FERMT1: variants seen among roughly 807,000 people sequenced by gnomAD.
The protein encoded by FERMT1 is fermitin family homolog 1.
Under a neutral mutation model 85.3 loss-of-function variants are expected in FERMT1, and 60 were observed. The ratio of observed to expected loss-of-function variants is 0.70; its 90% CI spans 0.57 to 0.87. The LOEUF is 0.87. FERMT1 is among the 40% of genes least tolerant of loss of function. The probability of loss-of-function intolerance (pLI) is 0.00; values close to 1 mark genes in which losing one functional copy is unlikely to be tolerated. For synonymous variants in FERMT1, 275 were observed against 301.1 expected (o/e 0.91, Z 0.90); for missense variants, 701 against 818.9 (o/e 0.86, Z 1.76).
chr20:6,110,473 A>C lies in FERMT1; in HGVS notation c.571T>G (p.Tyr191Asp), dbSNP rs1982916982. Residue 191 changes from tyrosine (Y) to aspartate (D), a missense_variant, in exon 5 of 15, where the codon TAT becomes GAT. Transcript: ENST00000217289. ...GCTGGTGTTCCATTGATGGGGTCAT[A>C]TATAGGGGTCATGGTTTTACTGTAT... Reference protein sequence around the residue: ...GLYSKTMTPIYDPINGTPASS... With the variant: ...GLYSKTMTPIDDPINGTPASS... 11 of 1,614,176 alleles carry C rather than the reference A, an allele frequency of 6.8e-6. No homozygotes were observed. The highest frequency in any genetic ancestry group is 9.3e-6 in the Non-Finnish European group (11 of 1,180,020).
chr20:6,083,327 T>G (rs1982052354), intron 13 of FERMT1, among the ~76,000 whole-genome samples: 1 of 152,140 alleles, frequency 6.6e-6, no homozygotes, highest in East Asian at 1.9e-4. Flanking sequence ...GACAAGTCAC[T>G]TAAGCTGTCT....
intron 3 of FERMT1, among the ~76,000 whole-genome samples, chr20:6,115,310 T>C (rs1684998588): frequency 6.6e-6 from 1 of 152,182 alleles, no homozygotes; most frequent in Non-Finnish European, 1.5e-5. Context: ...AATAATTAGG[T>C]TTAAATTCAC....
At chr20:6,089,661 AC>A (rs1164182013) in intron 9 of FERMT1, among the ~76,000 whole-genome samples, 1 of 152,232 alleles carries the variant, frequency 6.6e-6, no homozygotes, top group Non-Finnish European at 1.5e-5. Flanking sequence ...CTTAAGAGAA[AC>A]TATGGGAGAA....
At chr20:6,088,626 CTTTTTTTTTT>C (rs11475498) in intron 10 of FERMT1, among the ~76,000 whole-genome samples, 17 of 121,178 alleles carry the variant, frequency 1.4e-4, no homozygotes, top group Admixed American at 1.7e-4. Context: ...CTGCTCACCT[CTTTTTTTTTT>C]TTTTTTTTTG....
intron 6 of FERMT1, among the ~76,000 whole-genome samples, chr20:6,105,267 G>C (rs1982767860): frequency 6.6e-6 from 1 of 152,194 alleles, no homozygotes; most frequent in African/African-American, 2.4e-5. Context: ...CTCCTTTCTG[G>C]AAAGAGTGGA....
chr20:6,121,832 C>T (rs1983283819), intron 1 of FERMT1, among the ~76,000 whole-genome samples: 1 of 152,198 alleles, frequency 6.6e-6, no homozygotes, highest in Admixed American at 6.5e-5. Context: ...TGAAAGAAAA[C>T]TCCTCAAACT....
At position 6,075,287 on chromosome 20, in the gene FERMT1, T is replaced by C. The variant is rs907659820; in HGVS notation, c.*1886A>G. ...AGCAGCAAACAGGTAAAATCTGACA[T>C]CGAGAAGCATTATTTTAATGTAGGA... is the stretch of plus-strand genomic sequence containing the variant. On this transcript the variant is annotated 3_prime_UTR_variant, in exon 15 of 15. Transcript: ENST00000217289. The C allele has an allele frequency of 2.6e-5, 4 of 152,260 alleles. No homozygotes were observed. The highest frequency in any genetic ancestry group is 4.4e-5 in the Non-Finnish European group (3 of 68,022). 9.4% of individuals were successfully genotyped at this position (152,260 alleles called of 1,614,324 possible).
Position 6,077,159 on chromosome 20 carries a change from C to A in FERMT1, c.*14G>T. 6.2e-7 allele frequency: 1 copy of A among 1,612,990 alleles called. No homozygotes were observed. Among genetic ancestry groups the A allele is most frequent in the Non-Finnish European group, 8.5e-7 (1 of 1,179,956 alleles). The stretch of plus-strand genomic sequence containing the variant: ...GCTTGCCTTGTTGGTGTGAGCCGAG[C>A]ACGCGTGCTTGTTTCAATCCTGACC... On this transcript the variant is annotated 3_prime_UTR_variant, in exon 15 of 15. Coordinates refer to ENST00000217289, the MANE Select transcript of FERMT1 (RefSeq NM_017671.5).
At chr20:6,086,295 T>G (rs1277591376) in intron 11 of FERMT1, among the ~76,000 whole-genome samples, 1 of 152,246 alleles carries the variant, frequency 6.6e-6, no homozygotes, top group Non-Finnish European at 1.5e-5. Context: ...AAAAATTAGC[T>G]GATTTCCTAT....
chr20:6,115,564 G>T (rs1049706217), intron 3 of FERMT1, among the ~76,000 whole-genome samples: 1 of 152,096 alleles, frequency 6.6e-6, no homozygotes, highest in African/African-American at 2.4e-5. Flanking sequence ...GGTTTATCTT[G>T]TCTATTAACA....
intron 13 of FERMT1, among the ~76,000 whole-genome samples, chr20:6,080,944 T>C (rs147989592): frequency 6.6e-6 from 1 of 152,144 alleles, no homozygotes; most frequent in Non-Finnish European, 1.5e-5. Flanking sequence ...GTCAAAAGAA[T>C]GGCTGAACCC....
intron 1 of FERMT1, among the ~76,000 whole-genome samples, chr20:6,122,154 C>T (rs1983293685): frequency 6.6e-6 from 1 of 152,170 alleles, no homozygotes; most frequent in Admixed American, 6.5e-5. Context: ...TGCTGATTCC[C>T]CTTACAACAA....
intron 9 of FERMT1, among the ~76,000 whole-genome samples, chr20:6,092,456 C>T (rs1982395006): frequency 6.6e-6 from 1 of 152,052 alleles, no homozygotes; most frequent in Admixed American, 6.6e-5. Context: ...GGTGGGAGGA[C>T]CGCTGGAGCC....
chr20:6,119,382 C>T (rs778867043), intron 2 of FERMT1, 22 bp downstream of exon 2: 2 of 1,613,318 alleles, frequency 1.2e-6, no homozygotes, highest in Non-Finnish European at 1.7e-6. Context: ...TACAGAGAAA[C>T]CGTAAAGCAA....
intron 2 of FERMT1, among the ~76,000 whole-genome samples, chr20:6,116,739 AAAATGG>A (rs1308360362): frequency 1.3e-5 from 2 of 151,934 alleles, no homozygotes; most frequent in East Asian, 3.9e-4. Context: ...CAAAAAAAAA[AAAATGG>A]AAAATAGGGA....
rs1982138377 is a variant in FERMT1 at position 6,085,209 on chromosome 20, G to C, written c.1450C>G (p.Pro484Ala). 3 of 1,614,164 alleles carry C rather than the reference G, an allele frequency of 1.9e-6. No individual in the cohort carries two copies. Among genetic ancestry groups the C allele is most frequent in the African/African-American group, 2.7e-5 (2 of 75,032 alleles). ...AATGAAAGGATGTTGAGGACCTCTG[G>C]CTGGTAGGAGCTGTCTGCCATGGTT... ...GKTMADSSYQ[P>A]EVLNILSFLR... The change falls in exon 12 of 15, where the codon CCA becomes GCA. Residue 484 changes from proline (P) to alanine (A), a missense_variant. Pro to Ala is a conservative substitution (Grantham distance 27). Transcript: ENST00000217289.
intron 6 of FERMT1, among the ~76,000 whole-genome samples, chr20:6,099,482 A>G (rs981078436): frequency 1.3e-5 from 2 of 152,202 alleles, no homozygotes; most frequent in African/African-American, 4.8e-5. Flanking sequence ...GCTAAGTGAA[A>G]TAAGCCAAAT....
At position 6,076,097 on chromosome 20, in the gene FERMT1, G is replaced by A. The variant is rs41282956; in HGVS notation, c.*1076C>T. 583 of 183,658 alleles carry A rather than the reference G, an allele frequency of 3.2e-3. 2 individuals carry two copies. The highest frequency in any genetic ancestry group is 4.9e-3 in the Non-Finnish European group (425 of 87,218). 11.4% of individuals were successfully genotyped at this position (183,658 alleles called of 1,614,324 possible). ...TCCTTTAGATAAAAGGCCAGGAGTC[G>A]TACCAACATAGATACCAAATCCAGG... On this transcript the variant is annotated 3_prime_UTR_variant, in exon 15 of 15. Coordinates refer to ENST00000217289, the MANE Select transcript of FERMT1 (RefSeq NM_017671.5).
chr20:6,099,949 T>C (rs1202274363), intron 6 of FERMT1, among the ~76,000 whole-genome samples: 1 of 149,588 alleles, frequency 6.7e-6, no homozygotes, highest in Non-Finnish European at 1.5e-5. Context: ...CAGGGAGCTA[T>C]GATCACAGCC....
Sources: gnomAD v4.1 joint callset for allele counts (sites outside exome capture counted in the v4.1 genomes callset) on GRCh38, gnomAD v4.1.1 for gene constraint, MANE v1.5 for transcripts, NCBI Gene and HGNC (gene_info 2026-07-23, HGNC 2026-07-21) for gene names.